Variants in GPR89A observed in about 807,000 individuals in gnomAD.
GPR89A encodes G protein-coupled receptor 89A.
In GPR89A, 16 loss-of-function variants were observed where a neutral mutation model predicts 52.0. The observed-to-expected ratio is 0.31, with a 90% CI of 0.21 to 0.47. The LOEUF is 0.47. Ranked by LOEUF, GPR89A falls within the 20% of genes least tolerant of loss-of-function variation. The pLI is 1.00. For missense variants in GPR89A, 135 were observed against 449.4 expected (o/e 0.30, Z 6.33); for synonymous variants, 55 against 150.9 (o/e 0.36, Z 4.66).
intron 5 of GPR89A, among the ~76,000 whole-genome samples, chr1:145,628,943 GAGAA>G (rs1649706979): frequency 6.6e-6 from 1 of 152,040 alleles, no homozygotes. Context: ...TGAAACTAAA[GAGAA>G]AGAACTAGCA....
chr1:145,662,949 T>C (rs1414239288), intron 10 of GPR89A, among the ~76,000 whole-genome samples: 1 of 151,922 alleles, frequency 6.6e-6, no homozygotes, highest in Non-Finnish European at 1.5e-5. Flanking sequence ...CTTTTTCTGT[T>C]ATTTTAGTAT....
At chr1:145,649,238 C>T (rs1361117696) in intron 10 of GPR89A, among the ~76,000 whole-genome samples, 1 of 151,666 alleles carries the variant, frequency 6.6e-6, no homozygotes, top group African/African-American at 2.4e-5. Flanking sequence ...AGACAGAGAA[C>T]ACATCCATCC....
chr1:145,622,246 G>T (rs1452683054), intron 3 of GPR89A, among the ~76,000 whole-genome samples: 1 of 143,450 alleles, frequency 7.0e-6, no homozygotes, highest in African/African-American at 2.6e-5. Context: ...ACCATAAAAG[G>T]AATTATTGAT....
At chr1:145,642,749 A>G (rs2101799631) in intron 7 of GPR89A, among the ~76,000 whole-genome samples, 1 of 151,548 alleles carries the variant, frequency 6.6e-6, no homozygotes, top group African/African-American at 2.4e-5. Context: ...CTGCTACTCT[A>G]TTTTTATTAG....
chr1:145,660,240 G>A (rs1652101250), intron 10 of GPR89A, among the ~76,000 whole-genome samples: 1 of 152,076 alleles, frequency 6.6e-6, no homozygotes, highest in African/African-American at 2.4e-5. Flanking sequence ...GGGAAAACTG[G>A]CTAGCCATAT....
intron 1 of GPR89A, among the ~76,000 whole-genome samples, chr1:145,611,996 T>C (rs1648318440): frequency 6.6e-6 from 1 of 152,074 alleles, no homozygotes; most frequent in South Asian, 2.1e-4. Context: ...ATAGTTTGTT[T>C]ACTACTAATA....
At chr1:145,622,176 CAATT>C (rs1378380915) in intron 3 of GPR89A, among the ~76,000 whole-genome samples, 1 of 151,918 alleles carries the variant, frequency 6.6e-6, no homozygotes. Flanking sequence ...CAAATGTCCT[CAATT>C]AATGAATGCA....
Position 145,617,544 on chromosome 1 carries a change from A to C in GPR89A, c.103-776A>C, listed in dbSNP as rs587749431. Reference sequence around the variant, plus strand: ...AAAAGTATTAATTTGGGGAACTAATAAATGTCCATGAAATCTTCACAATTT... The same window carrying C: ...AAAAGTATTAATTTGGGGAACTAATCAATGTCCATGAAATCTTCACAATTT... On this transcript the variant is annotated intron_variant, in intron 2 of 13. Coordinates refer to ENST00000313835, the MANE Select transcript of GPR89A (RefSeq NM_001097612.2). 2.6e-5 allele frequency among the ~76,000 whole-genome samples: 4 copies of C among 152,290 alleles called. No homozygotes were observed. In the South Asian group the frequency reaches 8.3e-4, roughly 32 times the overall value.
chr1:145,629,331 T>C (rs1649738274), intron 5 of GPR89A, among the ~76,000 whole-genome samples: 1 of 152,158 alleles, frequency 6.6e-6, no homozygotes. Context: ...TTGGAAAATG[T>C]TGAATTTTGC....
chr1:145,612,133 CAA>C (rs1648329013), intron 1 of GPR89A: 1 of 152,134 alleles, frequency 6.6e-6, no homozygotes, highest in Admixed American at 6.6e-5. Flanking sequence ...TCATTCCCCT[CAA>C]AGTTTCTCCG....
At position 145,608,157 on chromosome 1, in the gene GPR89A, C is replaced by T. The variant is rs782106932; in HGVS notation, c.24C>T (p.Ser8=). 1.7e-5 allele frequency: 27 copies of T among 1,613,638 alleles called. No homozygotes were observed. Among genetic ancestry groups the T allele is most frequent in the African/African-American group, 2.7e-5 (2 of 74,714 alleles). Residue 8 remains serine (S), a synonymous_variant, in exon 1 of 14, where the codon AGC becomes AGT. Transcript: ENST00000313835. Reference sequence around the variant, plus strand: ...CCATGAGTTTCCTCATCGACTCCAGCATCATGATTACCTCCCAGGTGAGTC... The same window carrying T: ...CCATGAGTTTCCTCATCGACTCCAGTATCATGATTACCTCCCAGGTGAGTC... MSFLIDS[S]IMITSQILFF...
chr1:145,659,208 G>T (rs1336975593), intron 10 of GPR89A, among the ~76,000 whole-genome samples: 3 of 150,430 alleles, frequency 2.0e-5, no homozygotes, highest in African/African-American at 7.4e-5. Flanking sequence ...TTATTGAGGT[G>T]GAGTCTAGCT....
chr1:145,647,884 T>G (rs1651156555), intron 10 of GPR89A, among the ~76,000 whole-genome samples: 1 of 35,290 alleles, frequency 2.8e-5, no homozygotes, highest in African/African-American at 9.9e-5. Context: ...TCTCTCTATA[T>G]ATATATATAT....
At chr1:145,652,696 A>G (rs1344569791) in intron 10 of GPR89A, among the ~76,000 whole-genome samples, 1 of 120,540 alleles carries the variant, frequency 8.3e-6, no homozygotes, top group Admixed American at 8.9e-5. Flanking sequence ...CAGGGATTCA[A>G]CTTCTTCCTG....
chr1:145,654,433 G>A (rs1215412235), intron 10 of GPR89A, among the ~76,000 whole-genome samples: 1 of 151,210 alleles, frequency 6.6e-6, no homozygotes, highest in Non-Finnish European at 1.5e-5. Context: ...GGCGCCTGTA[G>A]TCCTAGCTAC....
intron 12 of GPR89A, among the ~76,000 whole-genome samples, chr1:145,667,204 A>G (rs1403200773): frequency 1.3e-5 from 2 of 152,152 alleles, no homozygotes; most frequent in African/African-American, 4.8e-5. Context: ...TCCCACCAAC[A>G]GTGTAAAAGT....
intron 11 of GPR89A, among the ~76,000 whole-genome samples, chr1:145,665,129 A>T (rs1553696216): frequency 6.6e-6 from 1 of 152,160 alleles, no homozygotes; most frequent in African/African-American, 2.4e-5. Context: ...CGTTTATCAC[A>T]GTAAAACTGT....
chr1:145,664,659 A>G (rs1652437890), intron 11 of GPR89A, among the ~76,000 whole-genome samples: 1 of 146,010 alleles, frequency 6.8e-6, no homozygotes, highest in Non-Finnish European at 1.5e-5. Flanking sequence ...TCAAAAAACA[A>G]CAAAAAGTAT....
chr1:145,626,457 T>A (rs1649503520), intron 5 of GPR89A, among the ~76,000 whole-genome samples: 1 of 152,076 alleles, frequency 6.6e-6, no homozygotes, highest in Non-Finnish European at 1.5e-5. Context: ...TCAGTTTTAT[T>A]CTTTCCATTG....
Sources: gnomAD v4.1 joint callset for allele counts (sites outside exome capture counted in the v4.1 genomes callset) on GRCh38, gnomAD v4.1.1 for gene constraint, MANE v1.5 for transcripts, NCBI Gene and HGNC (gene_info 2026-07-23, HGNC 2026-07-21) for gene names.